FGF6: variants seen among roughly 807,000 people sequenced by gnomAD.
FGF6 encodes fibroblast growth factor 6, also known as FGF-6.
A neutral mutation model predicts 18.4 loss-of-function variants in FGF6; 14 were observed. The observed-to-expected ratio is 0.76, with a 90% CI of 0.50 to 1.19. FGF6 has a LOEUF of 1.19. Ranked by LOEUF, FGF6 falls within the 50% of genes most tolerant of loss-of-function variation. The pLI, the probability that FGF6 is intolerant of heterozygous loss-of-function variation, is 0.00. For synonymous variants in FGF6, 125 were observed against 116.7 expected, an observed-to-expected ratio of 1.07 and a Z score of -0.46; for missense variants, 266 against 271.6, an observed-to-expected ratio of 0.98 and a Z score of 0.15.
At chr12:4,441,389 G>A (rs1865689045) in intron 2 of FGF6, among the ~76,000 whole-genome samples, 1 of 152,192 alleles carries the variant, frequency 6.6e-6, no homozygotes, top group Non-Finnish European at 1.5e-5. Context: ...GAGACCGGGT[G>A]TCCGCAGCTG....
At chr12:4,439,959 G>A (rs965528219) in intron 2 of FGF6, among the ~76,000 whole-genome samples, 6 of 152,208 alleles carry the variant, frequency 3.9e-5, no homozygotes, top group Non-Finnish European at 8.8e-5. Context: ...GGATTTTCCC[G>A]ATGCCCAGAG....
At chr12:4,438,126 C>T (rs552472114) in intron 2 of FGF6, among the ~76,000 whole-genome samples, 2 of 152,232 alleles carry the variant, frequency 1.3e-5, no homozygotes, top group South Asian at 4.1e-4. Context: ...AGGAAAAGAA[C>T]TATCAATGGC....
chr12:4,441,427 C>T (rs1314566434), intron 2 of FGF6, among the ~76,000 whole-genome samples: 2 of 152,126 alleles, frequency 1.3e-5, no homozygotes, highest in African/African-American at 4.8e-5. Context: ...TCAAATGCAC[C>T]TCCTAGGGGT....
intron 2 of FGF6, among the ~76,000 whole-genome samples, chr12:4,438,716 G>A (rs925653886): frequency 1.7e-5 from 2 of 115,858 alleles, no homozygotes; most frequent in East Asian, 3.0e-4. Flanking sequence ...GGCCAAGACC[G>A]CACTCCAGCC....
intron 2 of FGF6, among the ~76,000 whole-genome samples, chr12:4,442,282 A>T (rs1489602268): frequency 6.6e-6 from 1 of 151,964 alleles, no homozygotes. Flanking sequence ...CCTTTTTGCT[A>T]TTCTGAATGC....
chr12:4,439,871 C>T (rs1405033283), intron 2 of FGF6, among the ~76,000 whole-genome samples: 1 of 152,224 alleles, frequency 6.6e-6, no homozygotes, highest in South Asian at 2.1e-4. Flanking sequence ...GCACCCACAT[C>T]TGTGGGGTTT....
intron 2 of FGF6, among the ~76,000 whole-genome samples, chr12:4,439,027 A>C (rs1865656757): frequency 6.6e-6 from 1 of 152,200 alleles, no homozygotes; most frequent in Non-Finnish European, 1.5e-5. Context: ...AACACTGGTA[A>C]CTGGGGCTGC....
At position 4,434,150 on chromosome 12, in the gene FGF6, C is replaced by A; in HGVS notation, c.*65G>T. The A allele has an allele frequency of 1.3e-6, 2 of 1,547,824 alleles. No homozygotes were observed. Among genetic ancestry groups the A allele is most frequent in the Non-Finnish European group, 1.8e-6 (2 of 1,127,420 alleles). On this transcript the variant is annotated 3_prime_UTR_variant, in exon 3 of 3. Coordinates refer to ENST00000228837, the MANE Select transcript of FGF6 (RefSeq NM_020996.3). Reference sequence around the variant, plus strand: ...GCCATGGAGGGCAAGGGGAATTCTTCGCTGGTGCAAAATTTCAATCGAACA... The same window carrying A: ...GCCATGGAGGGCAAGGGGAATTCTTAGCTGGTGCAAAATTTCAATCGAACA...
chr12:4,434,153 T>C lies in FGF6; in HGVS notation c.*62A>G. On this transcript the variant is annotated 3_prime_UTR_variant, in exon 3 of 3. Transcript: ENST00000228837. ...ATGGAGGGCAAGGGGAATTCTTCGC[T>C]GGTGCAAAATTTCAATCGAACAGAT... 3.8e-6 allele frequency: 6 copies of C among 1,564,080 alleles called. No homozygotes were observed. The highest frequency in any genetic ancestry group is 5.3e-6 in the Non-Finnish European group (6 of 1,139,460).
At chr12:4,439,001 C>T (rs946648791) in intron 2 of FGF6, among the ~76,000 whole-genome samples, 2 of 152,056 alleles carry the variant, frequency 1.3e-5, no homozygotes, top group Non-Finnish European at 2.9e-5. Context: ...ATTTCTGGAA[C>T]GATATACTGG....
At chr12:4,437,390 G>C (rs1201076095) in intron 2 of FGF6, among the ~76,000 whole-genome samples, 1 of 152,184 alleles carries the variant, frequency 6.6e-6, no homozygotes, top group East Asian at 1.9e-4. Context: ...GAGACAGTAA[G>C]CTTGCATGGA....
At chr12:4,444,037 T>C (rs899898646) in intron 2 of FGF6, 96 bp downstream of exon 2, 4 of 761,708 alleles carry the variant, frequency 5.3e-6, no homozygotes, top group African/African-American at 1.8e-5. Context: ...CCCATTTAGA[T>C]AGTCACTTCT....
chr12:4,444,164 G>A lies in FGF6; in HGVS notation c.419C>T (p.Ala140Val), dbSNP rs1477139038. The A allele has an allele frequency of 6.2e-7, 1 of 1,613,498 alleles. No individual in the cohort carries two copies. Among genetic ancestry groups the A allele is most frequent in the East Asian group, 2.2e-5 (1 of 44,892 alleles). The change falls in exon 2 of 3, where the codon GCC becomes GTC. Residue 140 changes from alanine to valine, a missense_variant. Transcript: ENST00000228837. ...GTACAATCTTCCTTTACTGTTCATGGCAACGAAGAGGGCACTTCTCACTCC... is the reference window on the plus strand; with the variant it reads ...GTACAATCTTCCTTTACTGTTCATGACAACGAAGAGGGCACTTCTCACTCC... ...LFGVRSALFV[A>V]MNSKGRLYAT...
chr12:4,445,810 C>G lies in FGF6; in HGVS notation c.-240G>C, dbSNP rs1865759413. Among the ~76,000 whole-genome samples, 1 of 152,166 alleles carries G rather than the reference C, an allele frequency of 6.6e-6. No homozygotes were observed. Among genetic ancestry groups the G allele is most frequent in the Non-Finnish European group, 1.5e-5 (1 of 68,030 alleles). On this transcript the variant is annotated 5_prime_UTR_variant, in exon 1 of 3. Coordinates refer to ENST00000228837, the MANE Select transcript of FGF6 (RefSeq NM_020996.3). This position sits in a 1 kb window ranked among gnomAD's most constrained non-coding sequence, Gnocchi z 5.5. Reference sequence around the variant, plus strand: ...TCTAGCTCGCCCGCTTGCTCCGTCCCTAGTTGATGATATTTGATTTGACCT... The same window carrying G: ...TCTAGCTCGCCCGCTTGCTCCGTCCGTAGTTGATGATATTTGATTTGACCT...
intron 2 of FGF6, among the ~76,000 whole-genome samples, chr12:4,434,845 G>A (rs115136773): frequency 4.2e-4 from 64 of 152,306 alleles, no homozygotes; most frequent in African/African-American, 1.5e-3. Flanking sequence ...GTGCTATTTC[G>A]TGACTTTTCT....
intron 2 of FGF6, among the ~76,000 whole-genome samples, chr12:4,435,528 T>C (rs540175698): frequency 6.6e-6 from 1 of 152,336 alleles, no homozygotes; most frequent in African/African-American, 2.4e-5. Context: ...GGCTGGGGAC[T>C]GCTGTCCAAG....
chr12:4,443,635 A>G (rs1288968139), intron 2 of FGF6, among the ~76,000 whole-genome samples: 1 of 152,200 alleles, frequency 6.6e-6, no homozygotes, highest in Non-Finnish European at 1.5e-5. Context: ...ATCGGAGACC[A>G]GAGGATTGAA....
At position 4,439,700 on chromosome 12, in the gene FGF6, CT is replaced by C. The variant is rs908004347; in HGVS notation, c.450+4432del. 7.9e-5 allele frequency among the ~76,000 whole-genome samples: 12 copies of C among 151,336 alleles called. 1 individual carries two copies. Among genetic ancestry groups the C allele is most frequent in the African/African-American group, 2.9e-4 (12 of 41,234 alleles). On this transcript the variant is annotated intron_variant, in intron 2 of 2. Coordinates refer to ENST00000228837, the MANE Select transcript of FGF6 (RefSeq NM_020996.3). ...TTCTATTTTTTTTTCAAGTTTACTA[CT>C]TTTTTTTCTTTCCATTCTGCCCTTT...
rs921604607 is a variant in FGF6, at chr12:4,445,430, C to T, written c.141G>A (p.Thr47=). The T allele has an allele frequency of 9.9e-6, 16 of 1,613,274 alleles. No homozygotes were observed. The highest frequency in any genetic ancestry group is 2.2e-5 in the South Asian group (2 of 91,078). The stretch of plus-strand genomic sequence containing the variant: ...TGCCCCAGCCCCTCGAGTCCAGCAG[C>T]GTGTTGTTGGCACGGGTGCCTGCAG... The part of the protein sequence containing the change: ...PSPAGTRANN[T]LLDSRGWGTL... Residue 47 remains threonine, a synonymous_variant, in exon 1 of 3, where the codon ACG becomes ACA. Coordinates refer to ENST00000228837, the MANE Select transcript of FGF6 (RefSeq NM_020996.3). The surrounding 1 kb of genome is among the most constrained non-coding windows in gnomAD (Gnocchi z 5.5).
Sources: gnomAD v4.1 joint callset for allele counts (sites outside exome capture counted in the v4.1 genomes callset) on GRCh38, gnomAD v4.1.1 for gene constraint, Gnocchi (gnomAD v3.1) non-coding constraint, MANE v1.5 for transcripts, NCBI Gene and HGNC (gene_info 2026-07-23, HGNC 2026-07-21) for gene names.